XRRA1: variants seen among roughly 807,000 people sequenced by gnomAD.
XRRA1 encodes X-ray radiation resistance associated 1.
In XRRA1, 69 loss-of-function variants were observed where a neutral mutation model predicts 80.2. The observed-to-expected ratio is 0.86, with a 90% CI of 0.71 to 1.05. XRRA1 has a LOEUF of 1.05. Among genes scored for constraint, XRRA1 ranks in the 50% least tolerant of loss-of-function variants. The pLI is 0.00. For missense variants in XRRA1, 967 were observed against 976.4 expected, an observed-to-expected ratio of 0.99 and a Z score of 0.13; for synonymous variants, 348 against 389.9, an observed-to-expected ratio of 0.89 and a Z score of 1.27.
rs972020440 is a variant in XRRA1, at chr11:74,891,044, T to C, written c.1003+15195A>G. Reference sequence around the variant, plus strand: ...TAGAAAAAGAGGGAATCCTCCCTAATTCATTTTATGAGGCCAGCATCATCC... The same window carrying C: ...TAGAAAAAGAGGGAATCCTCCCTAACTCATTTTATGAGGCCAGCATCATCC... On this transcript the variant is annotated intron_variant, in intron 10 of 18. Transcript: ENST00000684022. Among the ~76,000 whole-genome samples, 154 of 150,484 alleles carry C rather than the reference T, an allele frequency of 1.0e-3. 2 individuals carry two copies. The highest frequency in any genetic ancestry group is 3.5e-3 in the African/African-American group (144 of 40,930).
intron 10 of XRRA1, 31 bp downstream of exon 10, chr11:74,906,208 T>C: frequency 1.3e-6 from 2 of 1,595,414 alleles, no homozygotes; most frequent in Non-Finnish European, 1.7e-6. Context: ...ACCATGAGGG[T>C]AGAATTTCTG....
chr11:74,893,540 A>T (rs1253608797), intron 10 of XRRA1, among the ~76,000 whole-genome samples: 2 of 152,010 alleles, frequency 1.3e-5, no homozygotes, highest in Non-Finnish European at 2.9e-5. Flanking sequence ...GTACCCTAAA[A>T]CTTGAAGTAT....
chr11:74,906,061 A>C (rs1307206164), intron 10 of XRRA1, among the ~76,000 whole-genome samples, 178 bp downstream of exon 10: 1 of 152,248 alleles, frequency 6.6e-6, no homozygotes, highest in East Asian at 1.9e-4. Context: ...GAATACTGTA[A>C]CAAAAGAAAT....
intron 1 of XRRA1, among the ~76,000 whole-genome samples, chr11:74,948,005 G>A (rs1947960199): frequency 6.6e-6 from 1 of 152,028 alleles, no homozygotes; most frequent in Non-Finnish European, 1.5e-5. Flanking sequence ...GAGCCCCCAC[G>A]CCCGGCCGAG....
At chr11:74,936,764 T>A (rs1251232880) in intron 4 of XRRA1, 120 bp downstream of exon 4, 1 of 1,279,212 alleles carries the variant, frequency 7.8e-7, no homozygotes, top group African/African-American at 1.5e-5. Context: ...AATTTGCCAA[T>A]ATCACTCTAA....
At chr11:74,894,581 A>T (rs2051733901) in intron 10 of XRRA1, among the ~76,000 whole-genome samples, 1 of 152,196 alleles carries the variant, frequency 6.6e-6, no homozygotes, top group Non-Finnish European at 1.5e-5. Context: ...TGAATGAAGA[A>T]GAAACTTGCC....
At chr11:74,874,359 A>C (rs1030249539) in intron 10 of XRRA1, among the ~76,000 whole-genome samples, 1 of 151,920 alleles carries the variant, frequency 6.6e-6, no homozygotes, top group African/African-American at 2.4e-5. Flanking sequence ...TTAAGGTACC[A>C]GTCCTCAGCC....
chr11:74,921,319 G>A lies in XRRA1; in HGVS notation c.551C>T (p.Thr184Ile). Residue 184 changes from threonine (T) to isoleucine (I), a missense_variant, in exon 8 of 19, where the codon ACT (threonine) becomes ATT (isoleucine). Physicochemically the swap from Thr to Ile is moderately conservative, Grantham distance 89. Transcript: ENST00000684022. ...CCCCAAATCACAGATGGCCTCCACA[G>A]TCAGGCTGTTGAAGGAAAGGTCCAA... ...EFLDLSFNSL[T>I]VEAICDLGIL... 1 of 1,614,008 alleles carries A rather than the reference G, an allele frequency of 6.2e-7. No homozygotes were observed. Among genetic ancestry groups the A allele is most frequent in the South Asian group, 1.1e-5 (1 of 91,082 alleles).
Position 74,944,444 on chromosome 11 carries a change from CTAACA to C in XRRA1, c.-5+569_-5+573del, listed in dbSNP as rs376399037. ...CATCAATTTATTCCTAACAAAGCAC[CTAACA>C]TAACAGATGTTATGACATAACAGAT... On this transcript the variant is annotated intron_variant, in intron 2 of 18. Transcript: ENST00000684022. Among the ~76,000 whole-genome samples the C allele has an allele frequency of 1.9e-3, 283 of 152,242 alleles. 1 individual carries two copies. Among genetic ancestry groups the C allele is most frequent in the African/African-American group, 6.6e-3 (272 of 41,516 alleles).
At chr11:74,938,783 G>C (rs1360144960) in intron 3 of XRRA1, among the ~76,000 whole-genome samples, 1 of 152,016 alleles carries the variant, frequency 6.6e-6, no homozygotes, top group Admixed American at 6.6e-5. Flanking sequence ...CTCCTCCCCA[G>C]GGGTTTCCAG....
intron 10 of XRRA1, among the ~76,000 whole-genome samples, chr11:74,879,945 G>C (rs1033662899): frequency 2.0e-5 from 3 of 151,980 alleles, no homozygotes; most frequent in African/African-American, 7.3e-5. Flanking sequence ...CTGTGTCTCT[G>C]CCTGGCTTTG....
At chr11:74,897,942 T>C (rs114433617) in intron 10 of XRRA1, among the ~76,000 whole-genome samples, 3,737 of 152,242 alleles carry the variant, frequency 0.025, 162 homozygotes, top group African/African-American at 0.085. Context: ...CTGGTAATAC[T>C]AAGCACACAG....
chr11:74,937,605 A>T (rs1591604058), intron 3 of XRRA1, among the ~76,000 whole-genome samples: 1 of 140,434 alleles, frequency 7.1e-6, no homozygotes, highest in Admixed American at 7.0e-5. Context: ...AGATGGCATT[A>T]AAAAAAAAAA....
Position 74,879,627 on chromosome 11 carries a change from G to A in XRRA1, c.1004-16606C>T, listed in dbSNP as rs991523643. ...TGTCATAGATAGCTCTTATTATTTT[G>A]AAATACGTCCCATCAATACCTAATT... is the stretch of plus-strand genomic sequence containing the variant. On this transcript the variant is annotated intron_variant, in intron 10 of 18. Transcript: ENST00000684022. Among the ~76,000 whole-genome samples, 345 of 152,048 alleles carry A rather than the reference G, an allele frequency of 2.3e-3. 1 individual carries two copies. The highest frequency in any genetic ancestry group is 7.2e-3 in the African/African-American group (299 of 41,462).
intron 12 of XRRA1, among the ~76,000 whole-genome samples, chr11:74,858,933 C>A (rs1463993960): frequency 6.6e-6 from 1 of 152,134 alleles, no homozygotes; most frequent in Non-Finnish European, 1.5e-5. Context: ...TAGTGCCTAC[C>A]ACAGAGCCTG....
At chr11:74,859,409 G>T in intron 11 of XRRA1, 126 bp from the exon 12 acceptor site, 1 of 1,059,620 alleles carries the variant, frequency 9.4e-7, no homozygotes, top group Non-Finnish European at 1.3e-6. Context: ...GGCCAAAAGA[G>T]ACATGTAGGG....
chr11:74,844,046 TG>T, intron 17 of XRRA1, 87 bp from the exon 18 acceptor site: 3 of 1,473,246 alleles, frequency 2.0e-6, no homozygotes, highest in South Asian at 2.4e-5. Flanking sequence ...AGCAACAGGC[TG>T]GGGGGCATCT....
intron 12 of XRRA1, among the ~76,000 whole-genome samples, 154 bp downstream of exon 12, chr11:74,859,004 G>C (rs1391303005): frequency 6.6e-6 from 1 of 152,180 alleles, no homozygotes; most frequent in Non-Finnish European, 1.5e-5. Context: ...GCCTTGGCCT[G>C]AACTCCTTCC....
chr11:74,879,980 A>C (rs531207195), intron 10 of XRRA1, among the ~76,000 whole-genome samples: 3,255 of 152,050 alleles, frequency 0.021, 109 homozygotes, highest in African/African-American at 0.074. Context: ...CTGGCCTCAT[A>C]AAATGAGTTA....
Sources: allele counts gnomAD v4.1 joint callset (sites outside exome capture counted in the v4.1 genomes callset), GRCh38; gene constraint gnomAD v4.1.1; transcripts MANE v1.5; gene names NCBI Gene and HGNC (gene_info 2026-07-23, HGNC 2026-07-21).